The following ABHD10 variants were observed in gnomAD, a reference collection of about 807,000 sequenced individuals.
ABHD10 encodes the protein abhydrolase domain containing 10, depalmitoylase, also known as palmitoyl-protein thioesterase ABHD10, mitochondrial.
Under a neutral mutation model 33.1 loss-of-function variants are expected in ABHD10, and 22 were observed. The ratio of observed to expected loss-of-function variants is 0.66; its 90% CI spans 0.47 to 0.95. ABHD10 has a LOEUF of 0.95. Ranked by LOEUF, ABHD10 falls within the 40% of genes least tolerant of loss-of-function variation. ABHD10 has a pLI of 0.00. For synonymous variants in ABHD10, 146 were observed against 133.9 expected, an observed-to-expected ratio of 1.09 and a Z score of -0.62; for missense variants, 352 against 379.9, an observed-to-expected ratio of 0.93 and a Z score of 0.61.
chr3:111,982,472 A>C (rs1238061550), intron 2 of ABHD10, among the ~76,000 whole-genome samples: 1 of 152,150 alleles, frequency 6.6e-6, no homozygotes, highest in African/African-American at 2.4e-5. Context: ...TATAATTCCT[A>C]ATTTTTCACA....
chr3:111,991,160 T>C (rs1266254292), intron 4 of ABHD10, among the ~76,000 whole-genome samples: 1 of 152,162 alleles, frequency 6.6e-6, no homozygotes, highest in African/African-American at 2.4e-5. Context: ...AATAGAATAA[T>C]AACAGAATTA....
intron 4 of ABHD10, 68 bp from the exon 5 acceptor site, chr3:111,991,309 A>C: frequency 7.4e-7 from 1 of 1,353,120 alleles, no homozygotes; most frequent in Middle Eastern, 1.9e-4. Flanking sequence ...AGATTACTTA[A>C]AACTATTGCA....
intron 1 of ABHD10, among the ~76,000 whole-genome samples, chr3:111,979,923 T>C (rs529258638): frequency 1.3e-5 from 2 of 152,350 alleles, no homozygotes; most frequent in East Asian, 3.9e-4. Context: ...TTTTAAACTT[T>C]TATAATCAGA....
intron 4 of ABHD10, among the ~76,000 whole-genome samples, chr3:111,987,917 A>C (rs2072689819): frequency 6.6e-6 from 1 of 152,186 alleles, no homozygotes; most frequent in Non-Finnish European, 1.5e-5. Flanking sequence ...TAGTTAAAAA[A>C]TATGGTCCCT....
chr3:111,984,994 G>A (rs2072636365), intron 2 of ABHD10, among the ~76,000 whole-genome samples: 1 of 152,218 alleles, frequency 6.6e-6, no homozygotes, highest in African/African-American at 2.4e-5. Context: ...AGAGGGAGAT[G>A]AATGTTTAAA....
At chr3:111,983,964 TA>T (rs1324328707) in intron 2 of ABHD10, among the ~76,000 whole-genome samples, 1 of 152,162 alleles carries the variant, frequency 6.6e-6, no homozygotes, top group Non-Finnish European at 1.5e-5. Flanking sequence ...GAGTTAACTA[TA>T]TTTTTTTAAT....
intron 4 of ABHD10, chr3:111,990,747 C>A: frequency 7.2e-7 from 1 of 1,394,470 alleles, no homozygotes; most frequent in Non-Finnish European, 9.5e-7. Flanking sequence ...CCTAAAATTG[C>A]ATGAGTATGT....
At chr3:111,983,588 T>C (rs2072613999) in intron 2 of ABHD10, among the ~76,000 whole-genome samples, 1 of 152,194 alleles carries the variant, frequency 6.6e-6, no homozygotes, top group Non-Finnish European at 1.5e-5. Context: ...GATTGCACTT[T>C]ATTATAAGAG....
chr3:111,983,958 T>C (rs924946279), intron 2 of ABHD10, among the ~76,000 whole-genome samples: 2 of 152,132 alleles, frequency 1.3e-5, no homozygotes, highest in Non-Finnish European at 2.9e-5. Flanking sequence ...CAGTGAGAGT[T>C]AACTATATTT....
At position 111,991,974 on chromosome 3, in the gene ABHD10, A is replaced by G; in HGVS notation, c.*253A>G. The G allele has an allele frequency of 2.9e-6, 1 of 343,332 alleles. No individual in the cohort carries two copies. Among genetic ancestry groups the G allele is most frequent in the Non-Finnish European group, 5.2e-6 (1 of 192,542 alleles). The allele number at this position is 343,332 out of a possible 1,614,324, so 21.3% of individuals were successfully genotyped here. A position where few individuals can be genotyped will look rare whatever the true frequency, so the allele number is the denominator to read the frequency against. ...AGTATTTCCTTTTTTTAATTCAAGA[A>G]AAGTTTACCTTTCTTATGCTTATGT... On this transcript the variant is annotated 3_prime_UTR_variant, in exon 5 of 5. Transcript: ENST00000273359.
At chr3:111,981,311 C>CAAAAAAAAA (rs11301143) in intron 1 of ABHD10, among the ~76,000 whole-genome samples, 1 of 91,210 alleles carries the variant, frequency 1.1e-5, no homozygotes, top group Non-Finnish European at 2.1e-5. Context: ...GACCCTGTCT[C>CAAAAAAAAA]AAAAAAAAAA....
At chr3:111,982,541 T>C (rs2072599534) in intron 2 of ABHD10, among the ~76,000 whole-genome samples, 1 of 152,182 alleles carries the variant, frequency 6.6e-6, no homozygotes, top group African/African-American at 2.4e-5. Context: ...GTAGCAGTTA[T>C]ATGTTTAGTA....
At chr3:111,986,706 A>G (rs1402089837) in intron 3 of ABHD10, among the ~76,000 whole-genome samples, 1 of 152,240 alleles carries the variant, frequency 6.6e-6, no homozygotes, top group African/African-American at 2.4e-5. Context: ...AAGTGCTGGG[A>G]TTACAGGCGT....
At chr3:111,982,712 A>G (rs1336845596) in intron 2 of ABHD10, among the ~76,000 whole-genome samples, 1 of 152,168 alleles carries the variant, frequency 6.6e-6, no homozygotes, top group Admixed American at 6.5e-5. Flanking sequence ...AGGTTGGACT[A>G]GAGATAACTT....
intron 1 of ABHD10, 97 bp downstream of exon 1, chr3:111,979,300 C>CA: frequency 1.5e-6 from 2 of 1,372,830 alleles, no homozygotes; most frequent in South Asian, 3.0e-5. Flanking sequence ...GCGCCCGGTT[C>CA]AAAAATGCTC....
rs544545362 is a variant in ABHD10 at position 111,992,268 on chromosome 3, T to C, written c.*547T>C. The C allele has an allele frequency of 6.7e-6, 1 of 149,624 alleles. No homozygotes were observed. The highest frequency in any genetic ancestry group is 1.5e-5 in the Non-Finnish European group (1 of 67,488). The allele number at this position is 149,624 out of a possible 1,614,324, so 9.3% of individuals were successfully genotyped here. A position where few individuals can be genotyped will look rare whatever the true frequency, so the allele number is the denominator to read the frequency against. On this transcript the variant is annotated 3_prime_UTR_variant, in exon 5 of 5. Coordinates refer to ENST00000273359, the MANE Select transcript of ABHD10 (RefSeq NM_018394.4). ...TATATGTTATATAAACTGCACATTA[T>C]ATTCAAACTTAAAATTGAGCTTTTT... is the stretch of plus-strand genomic sequence containing the variant.
chr3:111,986,467 G>A lies in ABHD10; in HGVS notation c.438+92G>A, dbSNP rs577191577. 6.9e-4 allele frequency: 616 copies of A among 895,112 alleles called. 9 individuals are homozygous for A. In the South Asian group the frequency reaches 9.3e-3, roughly 13 times the overall value. The allele number at this position is 895,112 out of a possible 1,614,324, so 55.4% of individuals were successfully genotyped here. A position where few individuals can be genotyped will look rare whatever the true frequency, so the allele number is the denominator to read the frequency against. The stretch of plus-strand genomic sequence containing the variant: ...GTTTTGTTTTTTGAGATGGAGTCTC[G>A]TGCTGTCACCCAGCCTGGAGTGCAG... On this transcript the variant is annotated intron_variant, in intron 3 of 4. Coordinates refer to ENST00000273359, the MANE Select transcript of ABHD10 (RefSeq NM_018394.4).
chr3:111,988,762 G>T (rs1162718797), intron 4 of ABHD10, among the ~76,000 whole-genome samples: 1 of 151,928 alleles, frequency 6.6e-6, no homozygotes, highest in Non-Finnish European at 1.5e-5. Flanking sequence ...GCTGATTTTT[G>T]TATTTTTTGT....
intron 4 of ABHD10, among the ~76,000 whole-genome samples, chr3:111,988,088 G>A (rs2072692352): frequency 6.6e-6 from 1 of 151,988 alleles, no homozygotes; most frequent in Non-Finnish European, 1.5e-5. Flanking sequence ...AAGAGGAGAA[G>A]GAGGTTCAGA....
Sources: allele counts gnomAD v4.1 joint callset (sites outside exome capture counted in the v4.1 genomes callset), GRCh38; gene constraint gnomAD v4.1.1; transcripts MANE v1.5; gene names NCBI Gene and HGNC (gene_info 2026-07-23, HGNC 2026-07-21).